RHOXF1: variants seen among roughly 807,000 people sequenced by gnomAD.
The protein encoded by RHOXF1 is PEPP subfamily gene 1.
RHOXF1 carries 1 observed loss-of-function variant against 9.7 expected under a neutral mutation model. The ratio of observed to expected loss-of-function variants is 0.10; its 90% CI spans 0.04 to 0.49. The LOEUF (loss-of-function observed/expected upper bound fraction) is 0.49. Ranked by LOEUF, RHOXF1 falls within the 20% of genes least tolerant of loss-of-function variation. The pLI is 0.95. For synonymous variants in RHOXF1, 72 were observed against 70.2 expected (o/e 1.03, Z -0.13); for missense variants, 179 against 168.0 (o/e 1.07, Z -0.36).
chrX:120,115,918 G>A (rs782056916), upstream of RHOXF1: 148 of 1,068,061 alleles, frequency 1.4e-4, no homozygotes, highest in Non-Finnish European at 1.7e-4. Context: ...TGGAGTGGGG[G>A]TTAGAGGGTG....
chrX:120,117,189 G>T (rs1556000784), upstream of RHOXF1, among the ~76,000 whole-genome samples: 2 of 111,357 alleles, frequency 1.8e-5, no homozygotes, highest in African/African-American at 6.5e-5. Context: ...CCAGGAGTTT[G>T]AGGCTGTGGT....
upstream of RHOXF1, among the ~76,000 whole-genome samples, chrX:120,120,227 G>A (rs2057311300): frequency 9.0e-6 from 1 of 111,621 alleles, no homozygotes; most frequent in Admixed American, 9.5e-5. Flanking sequence ...TCTAGAAAAA[G>A]GGAGAAAAGG....
intron 1 of RHOXF1, among the ~76,000 whole-genome samples, chrX:120,113,401 TGG>T (rs781855060): frequency 9.1e-6 from 1 of 110,304 alleles, no homozygotes; most frequent in Non-Finnish European, 1.9e-5. Flanking sequence ...TGCTGGGATT[TGG>T]GGCATGAACC....
chrX:120,109,707 C>T (rs1442506937), intron 2 of RHOXF1, among the ~76,000 whole-genome samples: 1 of 109,742 alleles, frequency 9.1e-6, no homozygotes, highest in African/African-American at 3.3e-5. Flanking sequence ...CCACCTCACC[C>T]TCCCAAGTAG....
In RHOXF1 at chrX:120,115,662, G is replaced by A; in HGVS notation, c.201C>T (p.Ile67=). 1 of 1,196,570 alleles carries A rather than the reference G, an allele frequency of 8.4e-7. No individual in the cohort carries two copies. Among genetic ancestry groups the A allele is most frequent in the Non-Finnish European group, 1.1e-6 (1 of 887,510 alleles). The change falls in exon 1 of 3, where the codon ATC becomes ATT. Residue 67 remains isoleucine, a synonymous_variant. Transcript: ENST00000217999. ...ENGMNRDGGM[I]PEGGGGNQEP... ...CCTGGTTTCCACCGCCGCCCTCGGG[G>A]ATCATGCCGCCATCGCGGTTCATGC...
rs140029775 is a variant in RHOXF1, at chrX:120,115,715, G to C, written c.148C>G (p.Pro50Ala). The C allele has an allele frequency of 3.3e-6, 4 of 1,207,710 alleles. No homozygotes were observed. The African/African-American group carries it at 5.3e-5, about 16-fold the overall frequency. ...TTCTCGTGGTTCACACCGCCCTCAG[G>C]GTTCATATTACCCATGAGGCCTGGA... ...GAPGLMGNMN[P>A]EGGVNHENGM... Residue 50 changes from proline (P) to alanine (A), a missense_variant, in exon 1 of 3, where the codon CCT (proline) becomes GCT (alanine). Pro to Ala is a conservative substitution (Grantham distance 27). Coordinates refer to ENST00000217999, the MANE Select transcript of RHOXF1 (RefSeq NM_139282.3).
chrX:120,114,094 T>A (rs1259118600), intron 1 of RHOXF1, among the ~76,000 whole-genome samples: 1 of 108,285 alleles, frequency 9.2e-6, no homozygotes, highest in Non-Finnish European at 1.9e-5. Flanking sequence ...AGAGACTCTG[T>A]CTCAAGACAA....
intron 2 of RHOXF1, among the ~76,000 whole-genome samples, chrX:120,111,951 A>G (rs1359086123): frequency 8.9e-6 from 1 of 112,020 alleles, no homozygotes; most frequent in South Asian, 3.7e-4. Context: ...AAATAATGTG[A>G]CTATTTTAGC....
chrX:120,110,281 T>C (rs1370993815), intron 2 of RHOXF1, among the ~76,000 whole-genome samples: 1 of 111,963 alleles, frequency 8.9e-6, no homozygotes, highest in Non-Finnish European at 1.9e-5. Context: ...TTTTAGCCTG[T>C]AGCATTAAGG....
At chrX:120,112,522 C>G (rs782456024) in intron 2 of RHOXF1, among the ~76,000 whole-genome samples, 2 of 53,274 alleles carry the variant, frequency 3.8e-5, no homozygotes, top group Non-Finnish European at 6.2e-5. Context: ...ATATAATACA[C>G]ATATGTATTA....
intron 2 of RHOXF1, among the ~76,000 whole-genome samples, chrX:120,111,754 G>A (rs1041423856): frequency 5.4e-5 from 6 of 112,019 alleles, no homozygotes; most frequent in African/African-American, 1.9e-4. Context: ...ACATTTAGTA[G>A]TTTCATAATG....
intron 2 of RHOXF1, among the ~76,000 whole-genome samples, chrX:120,109,595 TTTA>T (rs1237504788): frequency 3.7e-5 from 4 of 109,025 alleles, no homozygotes; most frequent in Non-Finnish European, 7.6e-5. Flanking sequence ...TATTTATTTA[TTTA>T]TTTTTTGAGA....
intron 1 of RHOXF1, among the ~76,000 whole-genome samples, chrX:120,114,918 TATGG>T (rs1469455747): frequency 8.9e-5 from 10 of 112,467 alleles, no homozygotes; most frequent in African/African-American, 3.2e-4. Flanking sequence ...TATGCTGCGA[TATGG>T]ATGAACCTTG....
rs1336042822 is a variant in RHOXF1 at position 120,115,496 on chromosome X, G to C, written c.367C>G (p.Arg123Gly). ...LQVEELESVF[R>G]HTQYPDVPTR... ...GGCACATCAGGGTATTGAGTGTGTC[G>C]GAAAACACTTTCCAGCTCCTCCACC... The change falls in exon 1 of 3, where the codon CGA becomes GGA. Residue 123 changes from arginine to glycine, a missense_variant. Physicochemically the swap from Arg to Gly is moderately radical, Grantham distance 125. Transcript: ENST00000217999. 8.9e-7 allele frequency: 1 copy of C among 1,129,575 alleles called. No individual in the cohort carries two copies. The highest frequency in any genetic ancestry group is 1.8e-5 in the African/African-American group (1 of 54,118). 93.1% of individuals were successfully genotyped at this position (1,129,575 alleles called of 1,213,427 possible). A position where few individuals can be genotyped will look rare whatever the true frequency, so the allele number is the denominator to read the frequency against.
At chrX:120,109,829 C>T (rs2057257724) in intron 2 of RHOXF1, among the ~76,000 whole-genome samples, 1 of 111,524 alleles carries the variant, frequency 9.0e-6, no homozygotes, top group South Asian at 3.7e-4. Flanking sequence ...AAGTGATCTT[C>T]CCACCTTGGT....
intron 2 of RHOXF1, among the ~76,000 whole-genome samples, chrX:120,112,306 T>C (rs1299614760): frequency 1.0e-4 from 11 of 105,509 alleles, no homozygotes; most frequent in African/African-American, 3.8e-4. Context: ...AACCCCACCA[T>C]GACTCTACAC....
rs782312588 is a variant in RHOXF1, at chrX:120,115,424, C to A, written c.398+41G>T. The A allele has an allele frequency of 3.8e-6, 4 of 1,046,830 alleles. No individual in the cohort carries two copies. In the African/African-American group the frequency reaches 7.7e-5, roughly 20 times the overall value. 86.3% of individuals were successfully genotyped at this position (1,046,830 alleles called of 1,213,427 possible). A position where few individuals can be genotyped will look rare whatever the true frequency, so the allele number is the denominator to read the frequency against. Reference sequence around the variant, plus strand: ...AGGGAGAGAAAAAGATGCCTCGAAACGAACTTGGAGATCTCGTGGCTCCTG... The same window carrying A: ...AGGGAGAGAAAAAGATGCCTCGAAAAGAACTTGGAGATCTCGTGGCTCCTG... On this transcript the variant is annotated intron_variant, in intron 1 of 2. Coordinates refer to ENST00000217999, the MANE Select transcript of RHOXF1 (RefSeq NM_139282.3).
upstream of RHOXF1, chrX:120,118,060 T>G (rs1197638432): frequency 8.9e-6 from 1 of 112,508 alleles, no homozygotes; most frequent in African/African-American, 3.2e-5. Flanking sequence ...AGAAAGAAAG[T>G]GGCTTTATTC....
intron 2 of RHOXF1, among the ~76,000 whole-genome samples, chrX:120,112,425 TAATA>T (rs2057269692): frequency 2.7e-5 from 1 of 37,002 alleles, no homozygotes; most frequent in African/African-American, 5.5e-5. Flanking sequence ...GTATTATATA[TAATA>T]CACATATATT....
Sources: gnomAD v4.1 joint callset for allele counts (sites outside exome capture counted in the v4.1 genomes callset) on GRCh38, gnomAD v4.1.1 for gene constraint, MANE v1.5 for transcripts, NCBI Gene and HGNC (gene_info 2026-07-23, HGNC 2026-07-21) for gene names.